The following NRF1 variants were observed in gnomAD, a reference collection of about 807,000 sequenced individuals.
NRF1 encodes alpha palindromic-binding protein.
In NRF1, 5 loss-of-function variants were observed where a neutral mutation model predicts 58.5. The ratio of observed to expected loss-of-function variants is 0.09; its 90% CI spans 0.04 to 0.18. The LOEUF (loss-of-function observed/expected upper bound fraction) is 0.18. NRF1 is among the 10% of genes least tolerant of loss of function. The pLI, the probability that NRF1 is intolerant of heterozygous loss-of-function variation, is 1.00. For missense variants in NRF1, 288 were observed against 657.7 expected, an observed-to-expected ratio of 0.44 and a Z score of 6.15; for synonymous variants, 224 against 246.7, an observed-to-expected ratio of 0.91 and a Z score of 0.86.
intron 9 of NRF1, among the ~76,000 whole-genome samples, chr7:129,720,689 A>G (rs1329557579): frequency 6.6e-6 from 1 of 152,132 alleles, no homozygotes. Context: ...CATCTTTTAC[A>G]GGGTAAAATG....
At chr7:129,629,867 G>GT (rs1562953614) in intron 1 of NRF1, among the ~76,000 whole-genome samples, 1 of 152,176 alleles carries the variant, frequency 6.6e-6, no homozygotes, top group Non-Finnish European at 1.5e-5. Context: ...CTAAGTGTCA[G>GT]TAGTTTTACC....
intron 10 of NRF1, among the ~76,000 whole-genome samples, chr7:129,749,302 G>A (rs1348644646): frequency 6.6e-6 from 1 of 152,140 alleles, no homozygotes; most frequent in African/African-American, 2.4e-5. Context: ...TGCATTGGAT[G>A]TGTGAAGTAA....
chr7:129,713,413 A>G (rs1003231673), intron 8 of NRF1, among the ~76,000 whole-genome samples: 11 of 152,220 alleles, frequency 7.2e-5, no homozygotes, highest in African/African-American at 2.4e-4. Context: ...GTGCAAAAAC[A>G]TTAGAGACGT....
chr7:129,614,692 G>C (rs1215226688), intron 1 of NRF1, among the ~76,000 whole-genome samples: 2 of 151,930 alleles, frequency 1.3e-5, no homozygotes, highest in Non-Finnish European at 2.9e-5. Flanking sequence ...AGATAATGAG[G>C]GCCCTTGTCC....
chr7:129,677,344 C>A (rs1486446110), intron 3 of NRF1, among the ~76,000 whole-genome samples: 1 of 152,058 alleles, frequency 6.6e-6, no homozygotes, highest in Admixed American at 6.6e-5. Flanking sequence ...TTGTAAGTAG[C>A]AGTAAGTGAT....
At chr7:129,615,846 A>G (rs1245896415) in intron 1 of NRF1, among the ~76,000 whole-genome samples, 2 of 152,202 alleles carry the variant, frequency 1.3e-5, no homozygotes, top group African/African-American at 4.8e-5. Flanking sequence ...CTGGAAGATA[A>G]ATAGTAAAAG....
At chr7:129,677,541 C>A in intron 3 of NRF1, 91 bp from the exon 4 acceptor site, 1 of 1,175,312 alleles carries the variant, frequency 8.5e-7, no homozygotes, top group Non-Finnish European at 1.2e-6. Flanking sequence ...CATATCTGAT[C>A]AGAATAAACT....
At chr7:129,634,478 A>G (rs994480812) in intron 1 of NRF1, among the ~76,000 whole-genome samples, 3 of 152,114 alleles carry the variant, frequency 2.0e-5, no homozygotes, top group African/African-American at 4.8e-5. Flanking sequence ...TCACTAAGCA[A>G]TATGTATTTA....
chr7:129,657,286 T>C, intron 1 of NRF1, 60 bp from the exon 2 acceptor site: 1 of 1,243,772 alleles, frequency 8.0e-7, no homozygotes, highest in Non-Finnish European at 1.2e-6. Context: ...TCTCTTAGTT[T>C]AAACATTGTG....
chr7:129,611,736 G>A lies in NRF1; in HGVS notation c.-95G>A, dbSNP rs1800530674. ...GGCGGCGGCAGAAGCGGCAGCGCTC[G>A]CCATTGCCGCTGGTGGCAGGAGGCT... On this transcript the variant is annotated 5_prime_UTR_variant, in exon 1 of 11. Transcript: ENST00000393232. The A allele has an allele frequency of 1.5e-5, 5 of 341,684 alleles. No homozygotes were observed. The East Asian group carries it at 2.2e-4, about 15-fold the overall frequency. 21.2% of individuals were successfully genotyped at this position (341,684 alleles called of 1,614,324 possible).
intron 9 of NRF1, among the ~76,000 whole-genome samples, chr7:129,724,963 A>AT (rs1562984273): frequency 6.6e-6 from 1 of 152,158 alleles, no homozygotes; most frequent in African/African-American, 2.4e-5. Context: ...AGTTCCAGCT[A>AT]TTTGCGTCAG....
intron 4 of NRF1, among the ~76,000 whole-genome samples, chr7:129,682,942 T>A (rs1215592906): frequency 6.6e-6 from 1 of 152,212 alleles, no homozygotes; most frequent in African/African-American, 2.4e-5. Context: ...CAAATAATTT[T>A]TTTTTTGAAA....
At chr7:129,630,429 T>G (rs1407758250) in intron 1 of NRF1, among the ~76,000 whole-genome samples, 1 of 152,196 alleles carries the variant, frequency 6.6e-6, no homozygotes, top group African/African-American at 2.4e-5. Context: ...TCAACTAGGA[T>G]GGATCTGATC....
At chr7:129,704,618 A>T (rs915461125) in intron 5 of NRF1, among the ~76,000 whole-genome samples, 1 of 152,196 alleles carries the variant, frequency 6.6e-6, no homozygotes, top group African/African-American at 2.4e-5. Flanking sequence ...TAACATTTGC[A>T]TATACCTAGT....
At chr7:129,744,078 C>T in intron 10 of NRF1, 2 of 1,140,384 alleles carry the variant, frequency 1.8e-6, no homozygotes, top group Non-Finnish European at 2.5e-6. Flanking sequence ...ACCAGATGTG[C>T]ATGGGAGGCT....
rs140909172 is a variant in NRF1, at chr7:129,704,720, T to C, written c.607-4355T>C. Among the ~76,000 whole-genome samples, 713 of 152,296 alleles carry C rather than the reference T, an allele frequency of 4.7e-3. 5 individuals carry two copies. The highest frequency in any genetic ancestry group is 0.016 in the African/African-American group (675 of 41,564). ...GCACTATAGCCTGGTGGTAATTTCT[T>C]AGGGTATTTTTAATAATTTTGTGCA... On this transcript the variant is annotated intron_variant, in intron 5 of 10. Transcript: ENST00000393232.
intron 1 of NRF1, among the ~76,000 whole-genome samples, chr7:129,616,062 CAT>C (rs976896857): frequency 2.0e-5 from 3 of 151,996 alleles, no homozygotes; most frequent in Non-Finnish European, 2.9e-5. Flanking sequence ...TACACACACA[CAT>C]ATATATATTT....
intron 1 of NRF1, among the ~76,000 whole-genome samples, chr7:129,612,268 C>T (rs1178468467): frequency 1.4e-5 from 2 of 146,270 alleles, no homozygotes; most frequent in East Asian, 2.1e-4. Context: ...TCTCGGCTCG[C>T]CCCCTCGGCC....
chr7:129,754,641 C>T (rs1449529437), intron 10 of NRF1, among the ~76,000 whole-genome samples: 1 of 151,572 alleles, frequency 6.6e-6, no homozygotes, highest in Non-Finnish European at 1.5e-5. Context: ...GTGACTGTAG[C>T]GAATAACAAT....
Sources: allele counts gnomAD v4.1 joint callset (sites outside exome capture counted in the v4.1 genomes callset), GRCh38; gene constraint gnomAD v4.1.1; transcripts MANE v1.5; gene names NCBI Gene and HGNC (gene_info 2026-07-23, HGNC 2026-07-21).